STIM2: variants seen among roughly 807,000 people sequenced by gnomAD.
STIM2 encodes stromal interaction molecule 2.
STIM2 carries 31 observed loss-of-function variants against 85.8 expected under a neutral mutation model. The observed-to-expected ratio is 0.36, with a 90% CI of 0.27 to 0.49. STIM2 has a LOEUF of 0.49. STIM2 is among the 20% of genes least tolerant of loss of function. The probability of loss-of-function intolerance (pLI) is 0.98; values close to 1 mark genes in which losing one functional copy is unlikely to be tolerated. For missense variants in STIM2, 841 were observed against 927.6 expected (o/e 0.91, Z 1.21); for synonymous variants, 356 against 331.1 (o/e 1.08, Z -0.82).
At chr4:26,931,818 TA>T (rs1485939117) in intron 2 of STIM2, among the ~76,000 whole-genome samples, 2 of 152,216 alleles carry the variant, frequency 1.3e-5, no homozygotes, top group African/African-American at 2.4e-5. Context: ...AACGATACCA[TA>T]AAAATAGAGA....
chr4:26,870,519 T>C (rs550999157), intron 1 of STIM2, among the ~76,000 whole-genome samples: 2 of 152,246 alleles, frequency 1.3e-5, no homozygotes, highest in Non-Finnish European at 2.9e-5. Context: ...AAGTCTCCCT[T>C]CCCCCTTCTT....
At chr4:27,019,464 T>G (rs1728843497) in intron 11 of STIM2, 5 of 1,289,806 alleles carry the variant, frequency 3.9e-6, no homozygotes, top group Non-Finnish European at 5.1e-6. Flanking sequence ...TTTCTGGAAA[T>G]CAGAAGGAAA....
intron 3 of STIM2, among the ~76,000 whole-genome samples, chr4:26,982,973 G>T (rs758203437): frequency 6.6e-6 from 1 of 152,138 alleles, no homozygotes; most frequent in African/African-American, 2.4e-5. Flanking sequence ...CTGACCCCAC[G>T]GGCTGCTACC....
At chr4:26,971,212 T>A (rs1287646369) in intron 3 of STIM2, among the ~76,000 whole-genome samples, 1 of 152,194 alleles carries the variant, frequency 6.6e-6, no homozygotes, top group Admixed American at 6.5e-5. Context: ...ACTGTGATGG[T>A]AGTTTCTTTT....
chr4:26,998,922 A>T (rs1360537689), intron 4 of STIM2, among the ~76,000 whole-genome samples: 3 of 149,504 alleles, frequency 2.0e-5, no homozygotes, highest in African/African-American at 4.9e-5. Flanking sequence ...AAAAAAAAAA[A>T]TTTTTTTTTC....
At chr4:26,874,033 G>C in intron 1 of STIM2, 1 of 702,790 alleles carries the variant, frequency 1.4e-6, no homozygotes, top group South Asian at 1.4e-5. Flanking sequence ...CCAGCCACTT[G>C]GTGTCAGGAC....
chr4:26,996,843 T>C (rs1727975613), intron 4 of STIM2, among the ~76,000 whole-genome samples: 1 of 152,154 alleles, frequency 6.6e-6, no homozygotes, highest in African/African-American at 2.4e-5. Flanking sequence ...TTTGAGAAAC[T>C]TGTTTGTTTA....
chr4:26,944,939 GT>G (rs1463698635), intron 2 of STIM2, among the ~76,000 whole-genome samples: 1 of 152,092 alleles, frequency 6.6e-6, no homozygotes, highest in African/African-American at 2.4e-5. Context: ...GAACTTTTTT[GT>G]TTGTAACTTT....
intron 4 of STIM2, among the ~76,000 whole-genome samples, chr4:26,997,285 C>T (rs925463151): frequency 1.3e-5 from 2 of 152,176 alleles, no homozygotes; most frequent in Non-Finnish European, 2.9e-5. Flanking sequence ...TGGCCTACAA[C>T]AGTCCATTAT....
chr4:26,937,824 A>G (rs894763809), intron 2 of STIM2, among the ~76,000 whole-genome samples: 1 of 152,140 alleles, frequency 6.6e-6, no homozygotes, highest in African/African-American at 2.4e-5. Context: ...AAATTGATCT[A>G]AGTTTTGTGC....
chr4:26,962,694 T>G (rs1012358934), intron 3 of STIM2, among the ~76,000 whole-genome samples: 1 of 152,036 alleles, frequency 6.6e-6, no homozygotes, highest in Non-Finnish European at 1.5e-5. Flanking sequence ...AAAACTAGTG[T>G]TAGATTTCAG....
intron 1 of STIM2, chr4:26,873,825 T>A: frequency 1.1e-6 from 1 of 927,314 alleles, no homozygotes. Flanking sequence ...GACTCCCGCC[T>A]CAACCGCCGT....
chr4:26,992,401 G>A (rs934061388), intron 3 of STIM2, among the ~76,000 whole-genome samples: 1 of 151,938 alleles, frequency 6.6e-6, no homozygotes, highest in Non-Finnish European at 1.5e-5. Flanking sequence ...TAAATGCTAT[G>A]CATAAAAGCT....
At chr4:26,907,068 T>C (rs754053915) in intron 1 of STIM2, among the ~76,000 whole-genome samples, 3 of 151,970 alleles carry the variant, frequency 2.0e-5, no homozygotes, top group Non-Finnish European at 4.4e-5. Context: ...AGTGGCTGAG[T>C]TGTTGGAGTA....
intron 3 of STIM2, among the ~76,000 whole-genome samples, chr4:26,983,257 A>G (rs576601878): frequency 1.3e-4 from 20 of 152,348 alleles, no homozygotes; most frequent in South Asian, 2.1e-4. Flanking sequence ...TGCCTTTCTC[A>G]TATGATTCTC....
At chr4:26,882,924 G>A (rs1199145284) in intron 1 of STIM2, among the ~76,000 whole-genome samples, 6 of 150,772 alleles carry the variant, frequency 4.0e-5, no homozygotes, top group South Asian at 2.1e-4. Flanking sequence ...TGCAACCTCC[G>A]CTGCCTGGGT....
At chr4:26,881,248 C>T (rs1723004588) in intron 1 of STIM2, among the ~76,000 whole-genome samples, 2 of 152,012 alleles carry the variant, frequency 1.3e-5, no homozygotes. Context: ...GGTGGATCAT[C>T]TGAGGTCAGG....
intron 10 of STIM2, among the ~76,000 whole-genome samples, chr4:27,014,041 G>C (rs1728648638): frequency 6.6e-6 from 1 of 151,794 alleles, no homozygotes; most frequent in East Asian, 1.9e-4. Flanking sequence ...TGTTTTATAT[G>C]ATGTAAAAAA....
intron 1 of STIM2, among the ~76,000 whole-genome samples, chr4:26,904,323 A>G (rs991263833): frequency 1.3e-5 from 2 of 152,106 alleles, no homozygotes; most frequent in African/African-American, 4.8e-5. Flanking sequence ...CAATTTGCTA[A>G]GTGTCAATAT....
Sources: allele counts gnomAD v4.1 joint callset (sites outside exome capture counted in the v4.1 genomes callset), GRCh38; gene constraint gnomAD v4.1.1; transcripts MANE v1.5; gene names NCBI Gene and HGNC (gene_info 2026-07-23, HGNC 2026-07-21).